MECR: variants seen among roughly 807,000 people sequenced by gnomAD.
MECR encodes enoyl-[acyl-carrier-protein] reductase, mitochondrial.
In MECR, 37 loss-of-function variants were observed where a neutral mutation model predicts 49.1. That is an observed-to-expected ratio of 0.75 (90% CI 0.58 to 0.99). The LOEUF (loss-of-function observed/expected upper bound fraction) is 0.99. MECR is among the 50% of genes least tolerant of loss of function. The pLI, the probability that MECR is intolerant of heterozygous loss-of-function variation, is 0.00. For synonymous variants in MECR, 198 were observed against 191.1 expected (o/e 1.04, Z -0.30); for missense variants, 470 against 479.6 (o/e 0.98, Z 0.19).
intron 7 of MECR, among the ~76,000 whole-genome samples, chr1:29,198,718 G>A (rs1014522083): frequency 3.9e-5 from 6 of 152,286 alleles, no homozygotes; most frequent in Non-Finnish European, 7.4e-5. Flanking sequence ...CTGGGTTCAA[G>A]CAATTCTCCT....
chr1:29,175,690 G>A, the MECR span, among the ~76,000 whole-genome samples: 5 of 29,022 alleles, frequency 1.7e-4, no homozygotes, highest in Non-Finnish European at 2.6e-4. Context: ...GCCAGACGCT[G>A]TCTCAAAAAA....
chr1:29,205,862 CG>C (rs1173137005), intron 4 of MECR, among the ~76,000 whole-genome samples: 1 of 152,090 alleles, frequency 6.6e-6, no homozygotes, highest in Non-Finnish European at 1.5e-5. Context: ...CAGCAGTAAC[CG>C]GGCTTCATGG....
chr1:29,192,180 G>A (rs529029706), downstream of MECR, among the ~76,000 whole-genome samples: 1 of 152,094 alleles, frequency 6.6e-6, no homozygotes, highest in African/African-American at 2.4e-5. Flanking sequence ...TTCAGGGTAA[G>A]CCCTGACATC....
In MECR at chr1:29,201,276, G is replaced by A; in HGVS notation, c.756+667C>T. Reference sequence around the variant, plus strand: ...CTGATATTATATATGCTGATCTACTGCTTCAGAAATGTTCGCAAGAAGCGC... The same window carrying A: ...CTGATATTATATATGCTGATCTACTACTTCAGAAATGTTCGCAAGAAGCGC... On this transcript the variant is annotated intron_variant, in intron 6 of 9. Coordinates refer to ENST00000263702, the MANE Select transcript of MECR (RefSeq NM_016011.5). The surrounding 1 kb of genome is among the most constrained non-coding windows in gnomAD (Gnocchi z 4.3). 2.3e-6 allele frequency: 1 copy of A among 437,356 alleles called. No individual in the cohort carries two copies. The highest frequency in any genetic ancestry group is 4.6e-6 in the Non-Finnish European group (1 of 217,074). 27.1% of individuals were successfully genotyped at this position (437,356 alleles called of 1,614,324 possible).
intron 3 of MECR, among the ~76,000 whole-genome samples, chr1:29,209,684 G>T (rs1677473343): frequency 6.6e-6 from 1 of 152,174 alleles, no homozygotes. Context: ...TATGAAGAAG[G>T]GGTGAAGAGG....
chr1:29,194,759 A>G (rs982378921), intron 9 of MECR, among the ~76,000 whole-genome samples: 4 of 152,162 alleles, frequency 2.6e-5, no homozygotes, highest in Non-Finnish European at 4.4e-5. Context: ...GTGTTTTTCC[A>G]TAGACATAAA....
chr1:29,205,327 G>A (rs1258681825), intron 4 of MECR, among the ~76,000 whole-genome samples: 1 of 152,022 alleles, frequency 6.6e-6, no homozygotes, highest in Non-Finnish European at 1.5e-5. Flanking sequence ...TGGGGTCACA[G>A]GCGCTGCCAC....
chr1:29,209,692 A>AG (rs1311174294), intron 3 of MECR, among the ~76,000 whole-genome samples: 2 of 152,120 alleles, frequency 1.3e-5, no homozygotes, highest in African/African-American at 4.8e-5. Context: ...AGGGGTGAAG[A>AG]GGGTAGGCTT....
chr1:29,188,179 G>A (rs1261038840), downstream of MECR, among the ~76,000 whole-genome samples: 2 of 150,832 alleles, frequency 1.3e-5, no homozygotes, highest in East Asian at 3.9e-4. Context: ...AAGGATCATG[G>A]GAAGGATTTG....
At chr1:29,197,922 T>C (rs1438675338) in intron 7 of MECR, among the ~76,000 whole-genome samples, 1 of 152,234 alleles carries the variant, frequency 6.6e-6, no homozygotes, top group Non-Finnish European at 1.5e-5. Context: ...TACAGCAATT[T>C]GTATATCGCC....
At chr1:29,181,888 T>G in the MECR span, 1 of 594,546 alleles carries the variant, frequency 1.7e-6, no homozygotes, top group Non-Finnish European at 2.5e-6. Flanking sequence ...CCCGGCGACG[T>G]ACGCGAGCAC....
At chr1:29,217,211 GTT>G (rs796559272) in intron 1 of MECR, among the ~76,000 whole-genome samples, 11 of 121,506 alleles carry the variant, frequency 9.1e-5, no homozygotes, top group East Asian at 2.5e-4. Flanking sequence ...AACCCACAGT[GTT>G]TTTTTTTTTT....
rs144286650 is a variant in MECR, at chr1:29,216,126, T to A, written c.285A>T (p.Gly95=). ...SDINMIQGNY[G]FLPELPAVGG... The stretch of plus-strand genomic sequence containing the variant: ...CAACAGCAGGCAGTTCAGGAAGGAA[T>A]CCGTAGTTTCCTGAGGGAGAAGAGC... The change falls in exon 3 of 10, where the codon GGA becomes GGT. Residue 95 remains glycine (G), a synonymous_variant. Transcript: ENST00000263702. The A allele has an allele frequency of 1.6e-4, 255 of 1,613,190 alleles. No homozygotes were observed. The highest frequency in any genetic ancestry group is 1.9e-4 in the Non-Finnish European group (230 of 1,179,668).
the MECR span, among the ~76,000 whole-genome samples, chr1:29,181,005 C>T: frequency 6.6e-6 from 1 of 152,196 alleles, no homozygotes; most frequent in Non-Finnish European, 1.5e-5. Context: ...TGCACGGAGT[C>T]TTAAAGATAA....
the MECR span, among the ~76,000 whole-genome samples, chr1:29,176,112 C>T: frequency 1.1e-4 from 16 of 151,450 alleles, no homozygotes; most frequent in African/African-American, 7.3e-5. Flanking sequence ...ATTAGCCGGG[C>T]GTGGTGGCAC....
At chr1:29,190,026 A>G (rs1166970849), downstream of MECR, among the ~76,000 whole-genome samples, 1 of 152,180 alleles carries the variant, frequency 6.6e-6, no homozygotes, top group South Asian at 2.1e-4. Context: ...ACAAGTCCTG[A>G]GGTGGGCAGT....
intron 4 of MECR, among the ~76,000 whole-genome samples, chr1:29,203,741 T>G (rs943512190): frequency 1.3e-5 from 2 of 152,234 alleles, no homozygotes; most frequent in African/African-American, 2.4e-5. Flanking sequence ...CTGCCCCATC[T>G]TACACTTCAT....
At chr1:29,177,174 A>G in the MECR span, among the ~76,000 whole-genome samples, 1 of 151,840 alleles carries the variant, frequency 6.6e-6, no homozygotes, top group Non-Finnish European at 1.5e-5. Flanking sequence ...CAAAGCCAAC[A>G]AAAGTTACCA....
chr1:29,177,192 G>C, the MECR span, among the ~76,000 whole-genome samples: 1 of 151,672 alleles, frequency 6.6e-6, no homozygotes, highest in African/African-American at 2.4e-5. Context: ...CCACAGAGCT[G>C]AAAGGGTATA....
Sources: gnomAD v4.1 joint callset for allele counts (sites outside exome capture counted in the v4.1 genomes callset) on GRCh38, gnomAD v4.1.1 for gene constraint, Gnocchi (gnomAD v3.1) non-coding constraint, MANE v1.5 for transcripts, NCBI Gene and HGNC (gene_info 2026-07-23, HGNC 2026-07-21) for gene names.